The following THBS2 variants were observed in gnomAD, a reference collection of about 807,000 sequenced individuals.
THBS2 encodes the protein thrombospondin 2, also known as thrombospondin-2.
A neutral mutation model predicts 135.2 loss-of-function variants in THBS2; 47 were observed. That is an observed-to-expected ratio of 0.35 (90% CI 0.28 to 0.44). The LOEUF is 0.44. Ranked by LOEUF, THBS2 falls within the 20% of genes least tolerant of loss-of-function variation. THBS2 has a pLI of 1.00. For missense variants in THBS2, 1,288 were observed against 1,603.1 expected, an observed-to-expected ratio of 0.80 and a Z score of 3.36; for synonymous variants, 639 against 633.8, an observed-to-expected ratio of 1.01 and a Z score of -0.12.
At chr6:169,234,055 C>T (rs1332642629) in intron 10 of THBS2, among the ~76,000 whole-genome samples, 2 of 150,766 alleles carry the variant, frequency 1.3e-5, no homozygotes, top group African/African-American at 2.4e-5. Context: ...CACACCACAC[C>T]GCTGCCCATG....
intron 19 of THBS2, 59 bp downstream of exon 19, chr6:169,222,138 A>C: frequency 1.3e-3 from 1,942 of 1,511,548 alleles, no homozygotes; most frequent in Non-Finnish European, 1.5e-3. Context: ...GTCCTGCTGA[A>C]ACACTCTGCA....
At chr6:169,243,465 T>A (rs947603922) in intron 4 of THBS2, among the ~76,000 whole-genome samples, 5 of 152,130 alleles carry the variant, frequency 3.3e-5, no homozygotes, top group African/African-American at 1.2e-4. Flanking sequence ...TCTCGGACAG[T>A]CCATTATTGA....
intron 2 of THBS2, among the ~76,000 whole-genome samples, chr6:169,249,214 A>G (rs1299148154): frequency 6.6e-6 from 1 of 152,196 alleles, no homozygotes; most frequent in Non-Finnish European, 1.5e-5. Context: ...CTGTGGGGTC[A>G]GTTTCTGCCC....
chr6:169,220,995 A>C (rs2114972715), intron 20 of THBS2, among the ~76,000 whole-genome samples: 1 of 152,376 alleles, frequency 6.6e-6, no homozygotes, highest in Middle Eastern at 3.4e-3. Flanking sequence ...ATAAAAATCA[A>C]TTATAAATAC....
chr6:169,219,346 G>GGATGGACGGATGA, intron 21 of THBS2, among the ~76,000 whole-genome samples: 1 of 129,132 alleles, frequency 7.7e-6, no homozygotes, highest in African/African-American at 3.1e-5. Context: ...GTGGGTGGAT[G>GGATGGACGGATGA]GATGGATGGT....
In THBS2 at chr6:169,217,835, A is replaced by G; in HGVS notation, c.3512-6T>C. ...AGCAAATCTTGTTTAAATATCTACA[A>G]AAAGAAAAAAAAAAGCAATAAACAA... On this transcript the variant is annotated splice_region_variant and splice_polypyrimidine_tract_variant and intron_variant, in intron 21 of 21. Coordinates refer to ENST00000617924, the MANE Select transcript of THBS2 (RefSeq NM_003247.5). The G allele has an allele frequency of 6.5e-7, 1 of 1,535,940 alleles. No homozygotes were observed. The highest frequency in any genetic ancestry group is 8.7e-7 in the Non-Finnish European group (1 of 1,148,458).
chr6:169,242,864 C>T (rs1330107925), intron 4 of THBS2, among the ~76,000 whole-genome samples: 5 of 116,346 alleles, frequency 4.3e-5, no homozygotes, highest in Admixed American at 8.3e-5. Context: ...CACCTTCCCA[C>T]CTTCCCACCT....
In THBS2 at chr6:169,217,264, T is replaced by G. The variant is rs1024618906; in HGVS notation, c.*558A>C. The G allele has an allele frequency of 2.6e-5, 4 of 152,444 alleles. No homozygotes were observed. Among genetic ancestry groups the G allele is most frequent in the African/African-American group, 9.6e-5 (4 of 41,454 alleles). The allele number at this position is 152,444 out of a possible 1,614,324, so 9.4% of individuals were successfully genotyped here. A position where few individuals can be genotyped will look rare whatever the true frequency, so the allele number is the denominator to read the frequency against. On this transcript the variant is annotated 3_prime_UTR_variant, in exon 22 of 22. Transcript: ENST00000617924. ...TAGCTTATGTCATTTGCTATGCCTG[T>G]TGTCTTCTAATCTCTCCTTACTAAA...
At chr6:169,231,565 C>T (rs1259479040) in intron 13 of THBS2, among the ~76,000 whole-genome samples, 1 of 152,188 alleles carries the variant, frequency 6.6e-6, no homozygotes, top group Non-Finnish European at 1.5e-5. Context: ...TACTGCAACA[C>T]GCTTGGGCTT....
At position 169,241,511 on chromosome 6, in the gene THBS2, A is replaced by C. The variant is rs1346945319; in HGVS notation, c.891+251T>G. Among the ~76,000 whole-genome samples the C allele has an allele frequency of 6.6e-6, 1 of 152,072 alleles. No homozygotes were observed. Among genetic ancestry groups the C allele is most frequent in the Non-Finnish European group, 1.5e-5 (1 of 68,006 alleles). ...GTAAATTTCCCAAAATTAAGAATTT[A>C]TTTTGGAGACTGTGCCCAGGACTGT... On this transcript the variant is annotated intron_variant, in intron 5 of 21. Coordinates refer to ENST00000617924, the MANE Select transcript of THBS2 (RefSeq NM_003247.5). The surrounding 1 kb of genome is among the most constrained non-coding windows in gnomAD (Gnocchi z 5.5).
chr6:169,234,778 TC>T lies in THBS2; in HGVS notation c.1606del (p.Asp536MetfsTer214), dbSNP rs1562359198. On this transcript the variant is annotated frameshift_variant, in exon 10 of 22. Coordinates refer to ENST00000617924, the MANE Select transcript of THBS2 (RefSeq NM_003247.5). LOFTEE classifies it high-confidence loss of function. Reference sequence around the variant, plus strand: ...GTTGCACATCTGACGCTCCTGCACATCCCCCACGCAGGCCTTCCCTCCGTAC... The same window carrying T: ...GTTGCACATCTGACGCTCCTGCACATCCCCACGCAGGCCTTCCCTCCGTAC... ...PQYGGKACVG[D>X]VQERQMCNKR... 6.2e-7 allele frequency: 1 copy of T among 1,605,534 alleles called. No homozygotes were observed. The highest frequency in any genetic ancestry group is 8.5e-7 in the Non-Finnish European group (1 of 1,175,168).
intron 4 of THBS2, among the ~76,000 whole-genome samples, chr6:169,244,357 A>G (rs1454781636): frequency 6.9e-6 from 1 of 143,918 alleles, no homozygotes; most frequent in Non-Finnish European, 1.5e-5. Context: ...GTTTGCTCAC[A>G]TAGAGGTGTA....
intron 21 of THBS2, among the ~76,000 whole-genome samples, chr6:169,218,374 T>TG (rs1779266315): frequency 1.5e-5 from 2 of 130,896 alleles, no homozygotes; most frequent in Admixed American, 8.2e-5. Flanking sequence ...GATGGATGGA[T>TG]GAATGAGATA....
intron 21 of THBS2, among the ~76,000 whole-genome samples, chr6:169,218,160 T>G: frequency 1.6e-5 from 2 of 126,090 alleles, no homozygotes; most frequent in African/African-American, 3.1e-5. Flanking sequence ...ATGGATGAAA[T>G]GAGTGGGTGG....
chr6:169,220,333 A>T lies in THBS2; in HGVS notation c.3376T>A (p.Leu1126Ile). Residue 1126 changes from leucine (L) to isoleucine (I), a missense_variant, in exon 21 of 22, where the codon TTA (leucine) becomes ATA (isoleucine). Transcript: ENST00000617924. Reference sequence around the variant, plus strand: ...ATGACCTGTTTTCCTTCATGCACTAAGACTCTAAAAATGGTGTTTAAAAAG... The same window carrying T: ...ATGACCTGTTTTCCTTCATGCACTATGACTCTAAAAATGGTGTTTAAAAAG... ...HRPKTGYIRV[L>I]VHEGKQVMAD... is the part of the protein sequence containing the mutation. 1.2e-6 allele frequency: 2 copies of T among 1,607,638 alleles called. No homozygotes were observed. Among genetic ancestry groups the T allele is most frequent in the Non-Finnish European group, 1.7e-6 (2 of 1,177,452 alleles).
chr6:169,247,037 TC>T (rs1780575616), intron 3 of THBS2, among the ~76,000 whole-genome samples: 1 of 152,246 alleles, frequency 6.6e-6, no homozygotes, highest in Admixed American at 6.5e-5. Context: ...TACTTTGCTC[TC>T]CCATCATTTC....
rs867411060 is a variant in THBS2, at chr6:169,224,798, C to T, written c.2773+347G>A. Among the ~76,000 whole-genome samples, 75 of 152,320 alleles carry T rather than the reference C, an allele frequency of 4.9e-4. 1 individual carries two copies. Among genetic ancestry groups the T allele is most frequent in the African/African-American group, 1.7e-3 (71 of 41,556 alleles). ...AAATCCTCCTTGTCCCCTGCCTGGC[C>T]CCATACACCAAATTCCCAATTCATC... On this transcript the variant is annotated intron_variant, in intron 17 of 21. Coordinates refer to ENST00000617924, the MANE Select transcript of THBS2 (RefSeq NM_003247.5).
chr6:169,219,719 G>T, intron 21 of THBS2: 3 of 501,638 alleles, frequency 6.0e-6, no homozygotes, highest in Non-Finnish European at 1.2e-5. Context: ...GAAGGGTAAT[G>T]CGCATTTGAA....
intron 2 of THBS2, 47 bp downstream of exon 2, chr6:169,250,686 C>T (rs760307669): frequency 1.3e-6 from 2 of 1,570,628 alleles, no homozygotes; most frequent in African/African-American, 1.3e-5. Flanking sequence ...GCAGCTAAGC[C>T]ATATCTCACA....
Sources: allele counts gnomAD v4.1 joint callset (sites outside exome capture counted in the v4.1 genomes callset), GRCh38; gene constraint gnomAD v4.1.1; non-coding constraint Gnocchi (gnomAD v3.1); transcripts MANE v1.5; gene names NCBI Gene and HGNC (gene_info 2026-07-23, HGNC 2026-07-21).